Variants in AAK1 observed in about 807,000 individuals in gnomAD.
AAK1 encodes AP2 associated kinase 1.
AAK1 carries 37 observed loss-of-function variants against 116.0 expected under a neutral mutation model. The observed-to-expected ratio is 0.32, with a 90% CI of 0.25 to 0.42. The LOEUF (loss-of-function observed/expected upper bound fraction) is 0.42. Ranked by LOEUF, AAK1 falls within the 10% of genes least tolerant of loss-of-function variation. AAK1 has a pLI of 1.00. For synonymous variants in AAK1, 458 were observed against 439.9 expected (o/e 1.04, Z -0.51); for missense variants, 919 against 1,170.6 (o/e 0.79, Z 3.14).
At chr2:69,572,508 A>G (rs1558971312) in intron 2 of AAK1, among the ~76,000 whole-genome samples, 1 of 151,158 alleles carries the variant, frequency 6.6e-6, no homozygotes, top group Non-Finnish European at 1.5e-5. Flanking sequence ...CATCCCAGCT[A>G]CTCGGGAGGC....
At chr2:69,591,791 A>C (rs1409653121) in intron 2 of AAK1, among the ~76,000 whole-genome samples, 2 of 152,008 alleles carry the variant, frequency 1.3e-5, no homozygotes, top group Non-Finnish European at 2.9e-5. Context: ...GGCTGGTCTC[A>C]AACTCCTGAC....
intron 2 of AAK1, among the ~76,000 whole-genome samples, chr2:69,600,555 T>C (rs1225696628): frequency 1.3e-5 from 2 of 152,168 alleles, no homozygotes; most frequent in Non-Finnish European, 2.9e-5. Context: ...TGTCGCAATC[T>C]CATGATCAAA....
chr2:69,504,416 A>G (rs987394524), intron 16 of AAK1, among the ~76,000 whole-genome samples: 10 of 147,672 alleles, frequency 6.8e-5, no homozygotes, highest in Non-Finnish European at 3.0e-5. Context: ...AAAAAAAAAA[A>G]AAAAGATGCA....
At position 69,475,497 on chromosome 2, in the gene AAK1, C is replaced by T. The variant is rs1169594620; in HGVS notation, c.*372G>A. The T allele has an allele frequency of 2.9e-6, 3 of 1,024,208 alleles. No individual in the cohort carries two copies. In the African/African-American group the frequency reaches 5.1e-5, roughly 18 times the overall value. 63.4% of individuals were successfully genotyped at this position (1,024,208 alleles called of 1,614,324 possible). ...GGTTGGGAGAATTGATCTGGGAGGC[C>T]ATTCCTAGCAAGAACGAGACAAAAG... On this transcript the variant is annotated 3_prime_UTR_variant, in exon 22 of 22. Coordinates refer to ENST00000409085, the MANE Select transcript of AAK1 (RefSeq NM_014911.5).
At chr2:69,603,473 A>G (rs1673668225) in intron 2 of AAK1, among the ~76,000 whole-genome samples, 1 of 152,134 alleles carries the variant, frequency 6.6e-6, no homozygotes, top group African/African-American at 2.4e-5. Context: ...ATGGAGTCAC[A>G]CTATCGCCTC....
intron 5 of AAK1, among the ~76,000 whole-genome samples, chr2:69,533,070 A>G (rs1433355128): frequency 1.3e-5 from 2 of 152,158 alleles, no homozygotes; most frequent in African/African-American, 4.8e-5. Flanking sequence ...TGGCAGCCAA[A>G]AAATCTTGTT....
rs1279155133 is a variant in AAK1, at chr2:69,470,983, CT to C, written c.*4885del. The C allele has an allele frequency of 2.0e-5, 20 of 985,572 alleles. No individual in the cohort carries two copies. The highest frequency in any genetic ancestry group is 5.2e-4 in the Middle Eastern group (1 of 1,914). The allele number at this position is 985,572 out of a possible 1,614,324, so 61.1% of individuals were successfully genotyped here. A position where few individuals can be genotyped will look rare whatever the true frequency, so the allele number is the denominator to read the frequency against. On this transcript the variant is annotated 3_prime_UTR_variant, in exon 22 of 22. Coordinates refer to ENST00000409085, the MANE Select transcript of AAK1 (RefSeq NM_014911.5). ...TTTACATAAGAAAGTTCTTTACAGACTTTTTTTTATACAATACTTGTGCAGC... is the reference window on the plus strand; with the variant it reads ...TTTACATAAGAAAGTTCTTTACAGACTTTTTTTATACAATACTTGTGCAGC...
intron 2 of AAK1, among the ~76,000 whole-genome samples, chr2:69,586,698 G>A (rs1672781530): frequency 6.6e-6 from 1 of 152,190 alleles, no homozygotes; most frequent in South Asian, 2.1e-4. Flanking sequence ...GAGTTGGAAA[G>A]ATTATCCCTA....
intron 2 of AAK1, among the ~76,000 whole-genome samples, chr2:69,609,511 G>A (rs889836523): frequency 1.3e-4 from 20 of 151,192 alleles, no homozygotes; most frequent in African/African-American, 2.2e-4. Flanking sequence ...GCAAAACTCC[G>A]TTTCTACTAA....
rs1158971697 is a variant in AAK1, at chr2:69,467,952, TTAAA to T, written c.*7913_*7916del. 1 of 985,334 alleles carries T rather than the reference TTAAA, an allele frequency of 1.0e-6. No homozygotes were observed. The highest frequency in any genetic ancestry group is 1.7e-5 in the African/African-American group (1 of 57,242). The allele number at this position is 985,334 out of a possible 1,614,324, so 61.0% of individuals were successfully genotyped here. ...TGCTTCTTTTTAAACAGTTCTGACCTTAAATATTGTTTTCAGAAACAGAACAAAA... is the reference window on the plus strand; with the variant it reads ...TGCTTCTTTTTAAACAGTTCTGACCTTATTGTTTTCAGAAACAGAACAAAA... On this transcript the variant is annotated 3_prime_UTR_variant, in exon 22 of 22. Coordinates refer to ENST00000409085, the MANE Select transcript of AAK1 (RefSeq NM_014911.5).
intron 10 of AAK1, among the ~76,000 whole-genome samples, chr2:69,524,293 TC>T (rs1376724488): frequency 6.6e-6 from 1 of 152,154 alleles, no homozygotes; most frequent in African/African-American, 2.4e-5. Context: ...CCCAGGCTGA[TC>T]CCAAACTCCT....
intron 2 of AAK1, among the ~76,000 whole-genome samples, chr2:69,595,333 C>T (rs1673229372): frequency 6.6e-6 from 1 of 152,204 alleles, no homozygotes; most frequent in African/African-American, 2.4e-5. Context: ...CTAGGCTGGT[C>T]TCGAACTCAT....
At chr2:69,519,648 C>T (rs369531436) in intron 11 of AAK1, among the ~76,000 whole-genome samples, 1 of 152,158 alleles carries the variant, frequency 6.6e-6, no homozygotes, top group Non-Finnish European at 1.5e-5. Context: ...AGTCTGGATG[C>T]GTGGCTATAA....
chr2:69,605,414 CCTT>C (rs1558996944), intron 2 of AAK1, among the ~76,000 whole-genome samples: 1 of 152,166 alleles, frequency 6.6e-6, no homozygotes, highest in East Asian at 1.9e-4. Flanking sequence ...TCTGCCTTTT[CCTT>C]CTTATGCATT....
intron 2 of AAK1, among the ~76,000 whole-genome samples, chr2:69,571,849 T>C (rs879145355): frequency 6.6e-6 from 1 of 152,138 alleles, no homozygotes; most frequent in Admixed American, 6.5e-5. Flanking sequence ...GGATCAGTGT[T>C]AGGGAGGACA....
rs1231616754 is a variant in AAK1 at position 69,532,062 on chromosome 2, G to T, written c.635C>A (p.Ala212Glu). Residue 212 changes from alanine (A) to glutamate (E), a missense_variant, in exon 6 of 22, where the codon GCA becomes GAA. This residue lies in a region of AAK1 where 317 missense variants were observed against 490.4 expected (regional missense o/e 0.65). Transcript: ENST00000409085. Reference sequence around the variant, plus strand: ...TTACTTCTTAATCTCATCTTCTACTGCATTGACTCCCTCAGTTTGTGGATT... The same window carrying T: ...TTACTTCTTAATCTCATCTTCTACTTCATTGACTCCCTCAGTTTGTGGATT... ...FQNPQTEGVN[A>E]VEDEIKKYTT... The T allele has an allele frequency of 6.2e-7, 1 of 1,613,424 alleles. No homozygotes were observed. The highest frequency in any genetic ancestry group is 8.5e-7 in the Non-Finnish European group (1 of 1,179,470).
intron 2 of AAK1, among the ~76,000 whole-genome samples, chr2:69,566,851 G>A (rs991262669): frequency 6.6e-6 from 1 of 152,148 alleles, no homozygotes. Context: ...ATCAGCTAAG[G>A]CTAACCAAGA....
chr2:69,626,264 A>G (rs1674892373), intron 2 of AAK1, among the ~76,000 whole-genome samples: 1 of 151,614 alleles, frequency 6.6e-6, no homozygotes, highest in Non-Finnish European at 1.5e-5. Context: ...TAATACAATT[A>G]TTATTAAGAA....
At chr2:69,519,619 T>C (rs923492861) in intron 11 of AAK1, among the ~76,000 whole-genome samples, 6 of 152,226 alleles carry the variant, frequency 3.9e-5, no homozygotes, top group African/African-American at 1.4e-4. Flanking sequence ...TCCCTGGTGT[T>C]CTACATGTAG....
Sources: allele counts gnomAD v4.1 joint callset (sites outside exome capture counted in the v4.1 genomes callset), GRCh38; gene constraint gnomAD v4.1.1; regional missense constraint gnomAD v4.1.1; transcripts MANE v1.5; gene names NCBI Gene and HGNC (gene_info 2026-07-23, HGNC 2026-07-21).